Variants in ZSWIM5 observed in about 807,000 individuals in gnomAD.
ZSWIM5 encodes zinc finger SWIM domain-containing protein 5.
Under a neutral mutation model 119.6 loss-of-function variants are expected in ZSWIM5, and 55 were observed. That is an observed-to-expected ratio of 0.46 (90% confidence interval 0.37 to 0.58). The LOEUF is 0.58. ZSWIM5 is among the 20% of genes least tolerant of loss of function. The pLI, the probability that ZSWIM5 is intolerant of heterozygous loss-of-function variation, is 0.00. For missense variants in ZSWIM5, 1,193 were observed against 1,512.8 expected, an observed-to-expected ratio of 0.79 and a Z score of 3.51; for synonymous variants, 537 against 606.9, an observed-to-expected ratio of 0.88 and a Z score of 1.69.
At chr1:45,021,912 C>T (rs1196447340) in intron 11 of ZSWIM5, among the ~76,000 whole-genome samples, 1 of 151,190 alleles carries the variant, frequency 6.6e-6, no homozygotes, top group East Asian at 2.0e-4. Context: ...GTCCCAGCTA[C>T]TAAGGAGGCT....
At chr1:45,067,050 A>G (rs1473654177) in intron 2 of ZSWIM5, among the ~76,000 whole-genome samples, 1 of 152,204 alleles carries the variant, frequency 6.6e-6, no homozygotes, top group Admixed American at 6.6e-5. Flanking sequence ...AGAAGATAAT[A>G]AAATCACATT....
chr1:45,141,721 C>T (rs1192943545), intron 1 of ZSWIM5, among the ~76,000 whole-genome samples: 3 of 151,942 alleles, frequency 2.0e-5, no homozygotes, highest in Non-Finnish European at 4.4e-5. Context: ...AAACACTAAT[C>T]AAAATAAAAC....
In ZSWIM5 at chr1:45,019,387, G is replaced by A; in HGVS notation, c.2696-71C>T. The A allele has an allele frequency of 5.2e-6, 8 of 1,536,014 alleles. No individual in the cohort carries two copies. The highest frequency in any genetic ancestry group is 7.0e-6 in the Non-Finnish European group (8 of 1,146,384). ...TTCAGGTCTACCCAGATTACCATTT[G>A]GGGTTTGAACTTGGCCTGCAGAGAT... On this transcript the variant is annotated intron_variant, in intron 13 of 13. Coordinates refer to ENST00000359600, the MANE Select transcript of ZSWIM5 (RefSeq NM_020883.2). The surrounding 1 kb of genome is among the most constrained non-coding windows in gnomAD (Gnocchi z 5.0).
chr1:45,110,159 A>G (rs1645508337), intron 1 of ZSWIM5, among the ~76,000 whole-genome samples: 1 of 152,130 alleles, frequency 6.6e-6, no homozygotes, highest in African/African-American at 2.4e-5. Context: ...GAGCCACCAC[A>G]CCTGCCCTTG....
chr1:45,081,794 C>T (rs1337548243), intron 2 of ZSWIM5, among the ~76,000 whole-genome samples: 29 of 151,992 alleles, frequency 1.9e-4, no homozygotes, highest in Non-Finnish European at 4.1e-4. Context: ...GTGAGGAGCC[C>T]CTCTGCCCGG....
At chr1:45,139,042 C>T (rs963534165) in intron 1 of ZSWIM5, among the ~76,000 whole-genome samples, 7 of 151,796 alleles carry the variant, frequency 4.6e-5, no homozygotes, top group Non-Finnish European at 8.8e-5. Flanking sequence ...CCACCATGCC[C>T]GGCTAATTTT....
Position 45,107,796 on chromosome 1 carries a change from TTTC to T in ZSWIM5, c.596-19562_596-19560del, listed in dbSNP as rs777037061. ...GCCTCCTTTTCTTTCTTTCTTTTCT[TTTC>T]TTATTTTTTTGAGACAGGGTCTTGC... is the stretch of plus-strand genomic sequence containing the variant. On this transcript the variant is annotated intron_variant, in intron 1 of 13. Transcript: ENST00000359600. Among the ~76,000 whole-genome samples, 111 of 152,074 alleles carry T rather than the reference TTTC, an allele frequency of 7.3e-4. 2 individuals are homozygous for T. Among genetic ancestry groups the T allele is most frequent in the Admixed American group, 2.0e-4 (3 of 15,276 alleles).
chr1:45,043,147 T>A, intron 6 of ZSWIM5, 72 bp downstream of exon 6: 1 of 1,488,012 alleles, frequency 6.7e-7, no homozygotes, highest in Admixed American at 1.7e-5. Context: ...CAGGTACGTA[T>A]GAAGATGGCT....
chr1:45,189,976 G>A (rs1446586767), intron 1 of ZSWIM5, among the ~76,000 whole-genome samples: 1 of 152,100 alleles, frequency 6.6e-6, no homozygotes, highest in Non-Finnish European at 1.5e-5. Context: ...CAAACGCAGT[G>A]GGCAAGGCCT....
intron 1 of ZSWIM5, among the ~76,000 whole-genome samples, chr1:45,105,068 T>C (rs140350943): frequency 0.021 from 3,134 of 151,552 alleles, 114 homozygotes; most frequent in African/African-American, 0.072. Context: ...TCTCCTGCCT[T>C]GGCCTGCCGA....
At chr1:45,063,913 C>T (rs903727752) in intron 2 of ZSWIM5, among the ~76,000 whole-genome samples, 6 of 151,348 alleles carry the variant, frequency 4.0e-5, no homozygotes, top group Non-Finnish European at 8.8e-5. Context: ...ACCCGGAAGG[C>T]GGAGCTTGCA....
Position 45,051,153 on chromosome 1 carries a change from A to G in ZSWIM5, c.1353T>C (p.Cys451=), listed in dbSNP as rs1468402425. The G allele has an allele frequency of 6.2e-7, 1 of 1,614,046 alleles. No homozygotes were observed. Among genetic ancestry groups the G allele is most frequent in the Non-Finnish European group, 8.5e-7 (1 of 1,180,028 alleles). ...GTCCATAGTTTCCATCCTCCAGGGG[A>G]CAGACATCCAGGTCGCTCCACTTCT... is the stretch of plus-strand genomic sequence containing the variant. ...QLQKWSDLDV[C]PLEDGNYGHE... The change falls in exon 5 of 14, where the codon TGT becomes TGC. Residue 451 remains cysteine (C), a synonymous_variant. Transcript: ENST00000359600.
chr1:45,177,666 A>G (rs1354603195), intron 1 of ZSWIM5, among the ~76,000 whole-genome samples: 2 of 152,098 alleles, frequency 1.3e-5, no homozygotes, highest in Non-Finnish European at 2.9e-5. Context: ...AACCAGCTCT[A>G]TGACACATCC....
chr1:45,186,780 C>A (rs948211890), intron 1 of ZSWIM5, among the ~76,000 whole-genome samples: 1 of 151,854 alleles, frequency 6.6e-6, no homozygotes, highest in African/African-American at 2.4e-5. Flanking sequence ...TAGTCAAGAC[C>A]GGGTTTTGCC....
chr1:45,137,035 T>C (rs1006941522), intron 1 of ZSWIM5, among the ~76,000 whole-genome samples: 3 of 152,182 alleles, frequency 2.0e-5, no homozygotes, highest in Non-Finnish European at 4.4e-5. Context: ...CTACCAGATC[T>C]TACCCTCACA....
chr1:45,156,456 TA>T (rs11346884), intron 1 of ZSWIM5, among the ~76,000 whole-genome samples: 136,545 of 149,034 alleles, frequency 0.92, 62,633 homozygotes, highest in East Asian at 0.98. Context: ...TGAAATTATT[TA>T]AAAAAAAAAA....
chr1:45,116,603 G>A (rs1294574436), intron 1 of ZSWIM5, among the ~76,000 whole-genome samples: 1 of 152,060 alleles, frequency 6.6e-6, no homozygotes, highest in Non-Finnish European at 1.5e-5. Flanking sequence ...CCTCCTATGA[G>A]GCCAGAGAAC....
At chr1:45,028,410 A>G (rs879234350) in intron 11 of ZSWIM5, among the ~76,000 whole-genome samples, 1 of 152,122 alleles carries the variant, frequency 6.6e-6, no homozygotes, top group Admixed American at 6.6e-5. Context: ...TTTCTTATAG[A>G]CAACATATAG....
intron 1 of ZSWIM5, among the ~76,000 whole-genome samples, chr1:45,104,262 A>G (rs1457906954): frequency 2.0e-5 from 3 of 152,172 alleles, no homozygotes; most frequent in Non-Finnish European, 4.4e-5. Flanking sequence ...TAAAATAACT[A>G]ATTTCCTTTC....
Sources: gnomAD v4.1 joint callset for allele counts (sites outside exome capture counted in the v4.1 genomes callset) on GRCh38, gnomAD v4.1.1 for gene constraint, Gnocchi (gnomAD v3.1) non-coding constraint, MANE v1.5 for transcripts, NCBI Gene and HGNC (gene_info 2026-07-23, HGNC 2026-07-21) for gene names.